The following TFPI variants were observed in gnomAD, a reference collection of about 807,000 sequenced individuals.
TFPI encodes anti-convertin.
Under a neutral mutation model 34.6 loss-of-function variants are expected in TFPI, and 15 were observed. The observed-to-expected ratio is 0.43, with a 90% confidence interval of 0.29 to 0.67. TFPI has a LOEUF of 0.67. Among genes scored for constraint, TFPI ranks in the 30% least tolerant of loss-of-function variants. TFPI has a pLI of 0.15. For missense variants in TFPI, 301 were observed against 364.0 expected (o/e 0.83, Z 1.41); for synonymous variants, 105 against 120.1 (o/e 0.87, Z 0.82).
At chr2:187,535,827 G>A (rs1444045380) in intron 1 of TFPI, among the ~76,000 whole-genome samples, 2 of 152,024 alleles carry the variant, frequency 1.3e-5, no homozygotes, top group Non-Finnish European at 2.9e-5. Context: ...AAAATAGACA[G>A]ACCGTTAACC....
chr2:187,477,760 C>G (rs1692478787), intron 6 of TFPI, among the ~76,000 whole-genome samples: 1 of 152,108 alleles, frequency 6.6e-6, no homozygotes, highest in African/African-American at 2.4e-5. Context: ...TAACAAAAAT[C>G]TTTTAAAAAT....
intron 6 of TFPI, among the ~76,000 whole-genome samples, chr2:187,468,541 T>C (rs1032528783): frequency 6.6e-5 from 10 of 152,060 alleles, no homozygotes; most frequent in Non-Finnish European, 1.2e-4. Flanking sequence ...GCATTTTTTT[T>C]CTCATATTTG....
chr2:187,494,468 C>T (rs1486008563), intron 3 of TFPI, among the ~76,000 whole-genome samples: 2 of 152,122 alleles, frequency 1.3e-5, no homozygotes, highest in Non-Finnish European at 2.9e-5. Context: ...ATGTATTTAC[C>T]TTCTCCCAGA....
chr2:187,520,022 C>T (rs1347061894), intron 1 of TFPI, among the ~76,000 whole-genome samples: 2 of 152,104 alleles, frequency 1.3e-5, no homozygotes, highest in Non-Finnish European at 2.9e-5. Flanking sequence ...CGTCCCAGGG[C>T]GACTTCAGAC....
In TFPI at chr2:187,466,941, T is replaced by A; in HGVS notation, c.910A>T (p.Met304Leu). 1.3e-6 allele frequency: 2 copies of A among 1,515,234 alleles called. No homozygotes were observed. Among genetic ancestry groups the A allele is most frequent in the Non-Finnish European group, 1.8e-6 (2 of 1,102,158 alleles). The allele number at this position is 1,515,234 out of a possible 1,614,324, so 93.9% of individuals were successfully genotyped here. Residue 304 changes from methionine (M) to leucine (L), a missense_variant, in exon 8 of 8, where the codon ATG becomes TTG. Met to Leu is a conservative substitution (Grantham distance 15). Coordinates refer to ENST00000233156, the MANE Select transcript of TFPI (RefSeq NM_006287.6). The part of the protein sequence containing the change: ...IAYEEIFVKN[M>L] The stretch of plus-strand genomic sequence containing the variant: ...GTTACATTGCTATAACAAATTCACA[T>A]ATTTTTAACAAAAATTTCTTCATAT...
chr2:187,534,191 A>G (rs550716315), intron 1 of TFPI, among the ~76,000 whole-genome samples: 5 of 152,346 alleles, frequency 3.3e-5, no homozygotes, highest in African/African-American at 1.2e-4. Flanking sequence ...AAGACAGGCC[A>G]ACATTCAAAT....
chr2:187,496,077 TTAATA>T (rs1685454278), intron 3 of TFPI, among the ~76,000 whole-genome samples: 1 of 152,264 alleles, frequency 6.6e-6, no homozygotes, highest in East Asian at 1.9e-4. Context: ...GAGTAAAAGT[TTAATA>T]TAATATGACG....
intron 1 of TFPI, among the ~76,000 whole-genome samples, chr2:187,535,176 C>G (rs1688183464): frequency 6.6e-6 from 1 of 152,122 alleles, no homozygotes; most frequent in East Asian, 1.9e-4. Flanking sequence ...TTACACAGAT[C>G]AATGAGACAG....
chr2:187,510,199 G>T (rs531078661), intron 1 of TFPI, among the ~76,000 whole-genome samples: 2 of 152,244 alleles, frequency 1.3e-5, no homozygotes, highest in South Asian at 4.2e-4. Flanking sequence ...AGTTAACTGT[G>T]CTATAAACAA....
intron 1 of TFPI, chr2:187,518,976 G>A (rs1687190589): frequency 6.6e-6 from 1 of 152,100 alleles, no homozygotes; most frequent in African/African-American, 2.4e-5. Context: ...TTCTCATGCT[G>A]TGTTTTTTAG....
chr2:187,531,492 TTC>T lies in TFPI; in HGVS notation c.-3+22706_-3+22707del, dbSNP rs199517884. Among the ~76,000 whole-genome samples, 1,192 of 152,306 alleles carry T rather than the reference TTC, an allele frequency of 7.8e-3. 15 individuals are homozygous for T. Among genetic ancestry groups the T allele is most frequent in the African/African-American group, 0.027 (1,127 of 41,574 alleles). ...AACAGAAAAATATTCACAGAAATTT[TTC>T]TGTTTTTTTGCAACCATTTGATTAT... is the stretch of plus-strand genomic sequence containing the variant. On this transcript the variant is annotated intron_variant, in intron 1 of 7. Transcript: ENST00000233156.
At position 187,464,792 on chromosome 2, in the gene TFPI, A is replaced by C. The variant is rs537828293; in HGVS notation, c.*2144T>G. 2.0e-5 allele frequency: 3 copies of C among 152,326 alleles called. No individual in the cohort carries two copies. Among genetic ancestry groups the C allele is most frequent in the South Asian group, 4.1e-4 (2 of 4,830 alleles). The allele number at this position is 152,326 out of a possible 1,614,324, so 9.4% of individuals were successfully genotyped here. A position where few individuals can be genotyped will look rare whatever the true frequency, so the allele number is the denominator to read the frequency against. On this transcript the variant is annotated 3_prime_UTR_variant, in exon 8 of 8. Coordinates refer to ENST00000233156, the MANE Select transcript of TFPI (RefSeq NM_006287.6). ...TGAATGAAGATGTATTATTTTCCTT[A>C]AGTGAAAAAAGCTGATACTATTTTG...
Position 187,489,281 on chromosome 2 carries a change from A to G in TFPI, c.320-906T>C, listed in dbSNP as rs191188312. ...CATCCTTTTTTTCTTGAAATAGTTAATTCTTCTATGGAGAGTAAAATGTCT... is the reference window on the plus strand; with the variant it reads ...CATCCTTTTTTTCTTGAAATAGTTAGTTCTTCTATGGAGAGTAAAATGTCT... On this transcript the variant is annotated intron_variant, in intron 3 of 7. Transcript: ENST00000233156. Among the ~76,000 whole-genome samples the G allele has an allele frequency of 3.3e-5, 5 of 151,512 alleles. No homozygotes were observed. In the East Asian group the frequency reaches 9.6e-4, roughly 29 times the overall value.
At chr2:187,478,621 A>G in intron 6 of TFPI, 7 of 1,580,678 alleles carry the variant, frequency 4.4e-6, no homozygotes, top group Non-Finnish European at 6.0e-6. Flanking sequence ...GCAGTATGCT[A>G]TCAAAGGCAT....
intron 2 of TFPI, among the ~76,000 whole-genome samples, chr2:187,499,178 C>T (rs910466374): frequency 4.0e-5 from 6 of 150,510 alleles, no homozygotes; most frequent in African/African-American, 9.8e-5. Flanking sequence ...ATCTAAAATA[C>T]GATAATTTGC....
At chr2:187,501,763 T>C (rs1262096278) in intron 2 of TFPI, among the ~76,000 whole-genome samples, 1 of 152,156 alleles carries the variant, frequency 6.6e-6, no homozygotes, top group Non-Finnish European at 1.5e-5. Flanking sequence ...ATGTTCACTC[T>C]TAATTTTCTC....
intron 1 of TFPI, chr2:187,546,625 A>T (rs773110352): frequency 3.9e-5 from 6 of 152,166 alleles, no homozygotes; most frequent in African/African-American, 1.4e-4. Flanking sequence ...GTATTTCTCT[A>T]TTATAATTAC....
chr2:187,478,028 C>A (rs1233214182), intron 6 of TFPI, among the ~76,000 whole-genome samples: 3 of 152,110 alleles, frequency 2.0e-5, no homozygotes, highest in Non-Finnish European at 2.9e-5. Flanking sequence ...CTTTTTAAGT[C>A]TACCTGAATT....
intron 6 of TFPI, among the ~76,000 whole-genome samples, chr2:187,473,511 T>C (rs1692182709): frequency 6.6e-6 from 1 of 152,160 alleles, no homozygotes; most frequent in South Asian, 2.1e-4. Flanking sequence ...TCTTCTTTTA[T>C]TTTCTTTTTT....
Sources: gnomAD v4.1 joint callset for allele counts (sites outside exome capture counted in the v4.1 genomes callset) on GRCh38, gnomAD v4.1.1 for gene constraint, MANE v1.5 for transcripts, NCBI Gene and HGNC (gene_info 2026-07-23, HGNC 2026-07-21) for gene names.